Variants in LARS1 observed in about 807,000 individuals in gnomAD.
The protein encoded by LARS1 is leucine--tRNA ligase, cytoplasmic.
LARS1 carries 100 observed loss-of-function variants against 162.8 expected under a neutral mutation model. That is an observed-to-expected ratio of 0.61 (90% CI 0.52 to 0.73). The LOEUF (loss-of-function observed/expected upper bound fraction) is 0.73, where lower values mean the gene tolerates loss of function less well. Among genes scored for constraint, LARS1 ranks in the 30% least tolerant of loss-of-function variants. The pLI is 0.00. For missense variants in LARS1, 1,258 were observed against 1,408.9 expected, an observed-to-expected ratio of 0.89 and a Z score of 1.71; for synonymous variants, 457 against 462.8, an observed-to-expected ratio of 0.99 and a Z score of 0.16.
intron 1 of LARS1, 59 bp from the exon 2 acceptor site, chr5:146,177,724 A>G: frequency 1.2e-6 from 1 of 858,542 alleles, no homozygotes; most frequent in Non-Finnish European, 1.8e-6. Context: ...TTTAAAAAAG[A>G]ATTGGGTTCA....
At chr5:146,136,666 G>A (rs1402286346) in intron 21 of LARS1, among the ~76,000 whole-genome samples, 1 of 151,944 alleles carries the variant, frequency 6.6e-6, no homozygotes. Context: ...ACTGTTAGTA[G>A]AGACGGGGTT....
intron 15 of LARS1, among the ~76,000 whole-genome samples, chr5:146,145,780 T>C (rs1164118035): frequency 6.6e-6 from 1 of 152,142 alleles, no homozygotes; most frequent in Non-Finnish European, 1.5e-5. Context: ...GATGGTAGAT[T>C]AAAAACAGAC....
chr5:146,153,281 C>T, intron 12 of LARS1, 54 bp from the exon 13 acceptor site: 2 of 1,248,130 alleles, frequency 1.6e-6, no homozygotes, highest in Non-Finnish European at 1.2e-6. Flanking sequence ...CTGGGAGAAT[C>T]ATTGAGAGAA....
At chr5:146,119,169 A>C (rs1275233298) in intron 31 of LARS1, among the ~76,000 whole-genome samples, 1 of 152,120 alleles carries the variant, frequency 6.6e-6, no homozygotes, top group Non-Finnish European at 1.5e-5. Flanking sequence ...ATTATCATAC[A>C]CTGCAATAGC....
intron 20 of LARS1, 63 bp downstream of exon 20, chr5:146,142,809 G>A (rs1581038542): frequency 8.3e-7 from 1 of 1,208,678 alleles, no homozygotes; most frequent in South Asian, 1.4e-5. Context: ...TTAGATATTT[G>A]AAGCCACAAG....
chr5:146,126,988 A>G (rs1198544242), intron 27 of LARS1, among the ~76,000 whole-genome samples: 1 of 152,054 alleles, frequency 6.6e-6, no homozygotes, highest in Non-Finnish European at 1.5e-5. Flanking sequence ...CCTGTTAAAA[A>G]CAGAATCATT....
At chr5:146,170,134 G>C (rs559003083) in intron 4 of LARS1, among the ~76,000 whole-genome samples, 1 of 152,206 alleles carries the variant, frequency 6.6e-6, no homozygotes, top group African/African-American at 2.4e-5. Flanking sequence ...ACAGTGAAAA[G>C]AATGGATAAT....
At chr5:146,144,559 T>G (rs944710227) in intron 16 of LARS1, 22 bp from the exon 17 acceptor site, 2 of 1,612,822 alleles carry the variant, frequency 1.2e-6, no homozygotes, top group East Asian at 2.2e-5. Context: ...CAAATTGATA[T>G]GTTTTTTTTT....
chr5:146,129,304 A>T (rs1247478187), intron 25 of LARS1, among the ~76,000 whole-genome samples, 186 bp from the exon 26 acceptor site: 1 of 152,206 alleles, frequency 6.6e-6, no homozygotes, highest in East Asian at 1.9e-4. Flanking sequence ...CAAGCTGTGA[A>T]GTCTGACTCT....
intron 14 of LARS1, among the ~76,000 whole-genome samples, chr5:146,151,654 C>T (rs559375749): frequency 2.0e-5 from 3 of 151,880 alleles, no homozygotes; most frequent in Admixed American, 6.5e-5. Context: ...CTAGAGGGCA[C>T]GAAAAAGACA....
chr5:146,126,366 C>T, intron 28 of LARS1, 69 bp downstream of exon 28: 1 of 905,224 alleles, frequency 1.1e-6, no homozygotes, highest in Non-Finnish European at 1.8e-6. Context: ...CAAGGCTTTT[C>T]CCCATCCTTC....
At position 146,171,969 on chromosome 5, in the gene LARS1, A is replaced by G. The variant is rs770813423; in HGVS notation, c.235T>C (p.Leu79=). The part of the protein sequence containing the change: ...KCEFAVGYQR[L]KGKCCLFPFG... ...GGAAACAGACAACATTTTCCTTTCAATCGCTGGTACCCTACAGCAAACTAC... is the reference window on the plus strand; with the variant it reads ...GGAAACAGACAACATTTTCCTTTCAGTCGCTGGTACCCTACAGCAAACTAC... The change falls in exon 4 of 32, where the codon TTG becomes CTG. Residue 79 remains leucine, a synonymous_variant. Coordinates refer to ENST00000394434, the MANE Select transcript of LARS1 (RefSeq NM_020117.11). The G allele has an allele frequency of 6.2e-6, 10 of 1,613,838 alleles. No homozygotes were observed. The highest frequency in any genetic ancestry group is 1.1e-5 in the South Asian group (1 of 91,074).
intron 1 of LARS1, among the ~76,000 whole-genome samples, chr5:146,181,822 T>C (rs1207681200): frequency 1.4e-5 from 2 of 144,198 alleles, no homozygotes; most frequent in African/African-American, 2.6e-5. Flanking sequence ...TTTTTGTCTG[T>C]TTTACGGAGA....
chr5:146,171,336 G>A (rs888762075), intron 4 of LARS1, among the ~76,000 whole-genome samples: 9 of 149,322 alleles, frequency 6.0e-5, no homozygotes, highest in African/African-American at 2.0e-4. Context: ...CAGCCTGGAC[G>A]ACAAAAGCAA....
chr5:146,176,583 C>G (rs1754591576), intron 2 of LARS1, among the ~76,000 whole-genome samples: 1 of 151,954 alleles, frequency 6.6e-6, no homozygotes, highest in African/African-American at 2.4e-5. Flanking sequence ...GTTACTATAA[C>G]CGTATTTCTT....
chr5:146,135,531 A>G, intron 22 of LARS1, 70 bp downstream of exon 22: 2 of 1,171,092 alleles, frequency 1.7e-6, no homozygotes, highest in Non-Finnish European at 2.4e-6. Flanking sequence ...TAAAACACCA[A>G]TTTTAACGTG....
At position 146,133,013 on chromosome 5, in the gene LARS1, C is replaced by T. The variant is rs776096614; in HGVS notation, c.2281G>A (p.Asp761Asn). 1.2e-6 allele frequency: 2 copies of T among 1,614,082 alleles called. No homozygotes were observed. The highest frequency in any genetic ancestry group is 4.5e-5 in the East Asian group (2 of 44,886). The change falls in exon 23 of 32, where the codon GAT becomes AAT. Residue 761 changes from aspartate to asparagine, a missense_variant. Asp to Asn is a conservative substitution (Grantham distance 23). Transcript: ENST00000394434. ...EDANFVEAMA[D>N]AGILRLYTWV... ...GTGTACAGACGGAGAATACCTGCAT[C>T]TGCCATGGCTTCCACAAAGTTGGCA...
At chr5:146,173,265 G>A (rs181528066) in intron 2 of LARS1, among the ~76,000 whole-genome samples, 29 of 151,724 alleles carry the variant, frequency 1.9e-4, no homozygotes, top group African/African-American at 7.0e-4. Context: ...AGAATCGCCT[G>A]ATCATTGAAC....
At chr5:146,128,884 T>G in intron 26 of LARS1, 94 bp downstream of exon 26, 1 of 1,442,334 alleles carries the variant, frequency 6.9e-7, no homozygotes, top group Non-Finnish European at 9.5e-7. Context: ...TCACCATTAA[T>G]GAAAATCTTT....
Sources: gnomAD v4.1 joint callset for allele counts (sites outside exome capture counted in the v4.1 genomes callset) on GRCh38, gnomAD v4.1.1 for gene constraint, MANE v1.5 for transcripts, NCBI Gene and HGNC (gene_info 2026-07-23, HGNC 2026-07-21) for gene names.